Variants in TSPAN9 observed in about 807,000 individuals in gnomAD.
TSPAN9 encodes the protein tetraspanin-9.
A neutral mutation model predicts 31.0 loss-of-function variants in TSPAN9; 16 were observed. The ratio of observed to expected loss-of-function variants is 0.52; its 90% confidence interval spans 0.35 to 0.78. TSPAN9 has a LOEUF of 0.78. TSPAN9 is among the 30% of genes least tolerant of loss of function. The pLI, the probability that TSPAN9 is intolerant of heterozygous loss-of-function variation, is 0.01. For synonymous variants in TSPAN9, 145 were observed against 121.6 expected (o/e 1.19, Z -1.27); for missense variants, 272 against 312.5 (o/e 0.87, Z 0.98).
intron 3 of TSPAN9, among the ~76,000 whole-genome samples, chr12:3,201,889 G>GC (rs2098372084): frequency 6.6e-6 from 1 of 152,188 alleles, no homozygotes; most frequent in South Asian, 2.1e-4. Flanking sequence ...GGGGCATGCT[G>GC]CCATCGGGTG....
chr12:3,268,012 C>A (rs1426762765), intron 3 of TSPAN9, among the ~76,000 whole-genome samples: 1 of 152,228 alleles, frequency 6.6e-6, no homozygotes, highest in Non-Finnish European at 1.5e-5. Flanking sequence ...GTCCTCCTCA[C>A]CCCCTACTCT....
chr12:3,178,747 G>C (rs762419921), intron 2 of TSPAN9, among the ~76,000 whole-genome samples: 8 of 152,164 alleles, frequency 5.3e-5, no homozygotes, highest in African/African-American at 9.7e-5. Flanking sequence ...TTAGAATGTG[G>C]TGTGTCTGGG....
intron 3 of TSPAN9, among the ~76,000 whole-genome samples, chr12:3,232,096 A>G (rs1038423829): frequency 2.6e-5 from 4 of 152,120 alleles, no homozygotes; most frequent in Admixed American, 2.6e-4. Context: ...TCTTTTTGGT[A>G]TGATTCTTAT....
rs530572197 is a variant in TSPAN9, at chr12:3,161,944, G to A, written c.-17-39233G>A. ...CATCTTCCCGCTTCAGCCTTCCGAA[G>A]TGTTGGGATTACAGGCATGAGCCAT... On this transcript the variant is annotated intron_variant, in intron 2 of 8. Transcript: ENST00000011898. 7.2e-5 allele frequency among the ~76,000 whole-genome samples: 11 copies of A among 152,244 alleles called. No homozygotes were observed. The South Asian group carries it at 2.3e-3, about 32-fold the overall frequency.
intron 2 of TSPAN9, among the ~76,000 whole-genome samples, chr12:3,134,301 G>C (rs1360015483): frequency 6.6e-6 from 1 of 152,202 alleles, no homozygotes; most frequent in African/African-American, 2.4e-5. Flanking sequence ...AGAGTATTGT[G>C]GGAACAGTTA....
intron 2 of TSPAN9, among the ~76,000 whole-genome samples, chr12:3,160,185 T>C (rs1161344496): frequency 6.6e-6 from 1 of 152,264 alleles, no homozygotes; most frequent in African/African-American, 2.4e-5. Context: ...TGGAATCATG[T>C]AATACGGGTT....
At chr12:3,263,203 A>G (rs997689210) in intron 3 of TSPAN9, among the ~76,000 whole-genome samples, 2 of 152,204 alleles carry the variant, frequency 1.3e-5, no homozygotes, top group South Asian at 2.1e-4. Context: ...GCAGAAGCAC[A>G]GTCATAGGTT....
chr12:3,226,736 GTGTGTGTGTATATATA>G (rs1184401530), intron 3 of TSPAN9, among the ~76,000 whole-genome samples: 25 of 11,074 alleles, frequency 2.3e-3, no homozygotes, highest in African/African-American at 4.1e-3. Context: ...GTGTGTGTGT[GTGTGTGTGTATATATA>G]TATATATATA....
intron 2 of TSPAN9, among the ~76,000 whole-genome samples, chr12:3,150,188 G>A (rs1182169477): frequency 1.3e-5 from 2 of 152,260 alleles, no homozygotes; most frequent in Non-Finnish European, 2.9e-5. Context: ...CAGAGAATAT[G>A]TCTCGGCCTC....
chr12:3,184,605 T>G (rs2098360205), intron 2 of TSPAN9, among the ~76,000 whole-genome samples: 1 of 152,060 alleles, frequency 6.6e-6, no homozygotes, highest in Non-Finnish European at 1.5e-5. Flanking sequence ...GATAGCACCG[T>G]CTGGATTTCC....
chr12:3,158,361 C>T (rs1167202747), intron 2 of TSPAN9, among the ~76,000 whole-genome samples: 1 of 152,206 alleles, frequency 6.6e-6, no homozygotes, highest in African/African-American at 2.4e-5. Flanking sequence ...TCTGTGCTTC[C>T]ATGTATAGTG....
chr12:3,280,613 C>A lies in TSPAN9; in HGVS notation c.432+130C>A. 1 of 805,088 alleles carries A rather than the reference C, an allele frequency of 1.2e-6. No homozygotes were observed. The highest frequency in any genetic ancestry group is 2.0e-6 in the Non-Finnish European group (1 of 502,938). The allele number at this position is 805,088 out of a possible 1,614,324, so 49.9% of individuals were successfully genotyped here. ...GATTTTAGCCGGGAGTGGAGTGGTA[C>A]CCACGGGGGCATTTGCCTGAACTGC... On this transcript the variant is annotated intron_variant, in intron 6 of 8. Transcript: ENST00000011898. The surrounding 1 kb of genome is among the most constrained non-coding windows in gnomAD (Gnocchi z 4.5).
chr12:3,257,244 C>T (rs1357986292), intron 3 of TSPAN9, among the ~76,000 whole-genome samples: 1 of 151,900 alleles, frequency 6.6e-6, no homozygotes, highest in Non-Finnish European at 1.5e-5. Context: ...CTGCTTTCTC[C>T]TAGGGGTCTC....
chr12:3,246,160 C>A (rs1862121396), intron 3 of TSPAN9, among the ~76,000 whole-genome samples: 2 of 151,288 alleles, frequency 1.3e-5, no homozygotes, highest in Non-Finnish European at 2.9e-5. Flanking sequence ...CTAAACATGA[C>A]AAAAGCAGGA....
At chr12:3,248,296 AT>A (rs1382355214) in intron 3 of TSPAN9, among the ~76,000 whole-genome samples, 17 of 152,318 alleles carry the variant, frequency 1.1e-4, no homozygotes, top group Admixed American at 9.2e-4. Context: ...TGGAGGTGTC[AT>A]TCCTTGTGGG....
At chr12:3,195,154 G>A (rs1436711966) in intron 2 of TSPAN9, among the ~76,000 whole-genome samples, 2 of 152,216 alleles carry the variant, frequency 1.3e-5, no homozygotes, top group Non-Finnish European at 2.9e-5. Flanking sequence ...GCTGTACCTT[G>A]TGTCAAATGT....
intron 2 of TSPAN9, among the ~76,000 whole-genome samples, chr12:3,129,874 C>T (rs2098329012): frequency 6.6e-6 from 1 of 152,158 alleles, no homozygotes; most frequent in African/African-American, 2.4e-5. Context: ...GTGACGGGAG[C>T]CTGGCAGAGG....
At chr12:3,215,472 G>A (rs1457321588) in intron 3 of TSPAN9, 4 of 152,238 alleles carry the variant, frequency 2.6e-5, no homozygotes, top group East Asian at 3.9e-4. Context: ...GGGTTCTGCT[G>A]ATTGGAATCA....
rs149138494 is a variant in TSPAN9 at position 3,155,105 on chromosome 12, T to TA, written c.-17-46063dup. On this transcript the variant is annotated intron_variant, in intron 2 of 8. Transcript: ENST00000011898. ...TAATTTTTAACTATTGGCAGCTAAT[T>TA]AAAAAAAAATTAAAACGTGATGCGG... Among the ~76,000 whole-genome samples the TA allele has an allele frequency of 4.0e-5, 6 of 151,794 alleles. No homozygotes were observed. The East Asian group carries it at 1.2e-3, about 29-fold the overall frequency.
Sources: gnomAD v4.1 joint callset for allele counts (sites outside exome capture counted in the v4.1 genomes callset) on GRCh38, gnomAD v4.1.1 for gene constraint, Gnocchi (gnomAD v3.1) non-coding constraint, MANE v1.5 for transcripts, NCBI Gene and HGNC (gene_info 2026-07-23, HGNC 2026-07-21) for gene names.